PIGL: variants seen among roughly 807,000 people sequenced by gnomAD.
PIGL encodes the protein N-acetylglucosaminyl-phosphatidylinositol de-N-acetylase.
Under a neutral mutation model 31.1 loss-of-function variants are expected in PIGL, and 22 were observed. The observed-to-expected ratio is 0.71, with a 90% confidence interval of 0.51 to 1.01. PIGL has a LOEUF of 1.01. Ranked by LOEUF, PIGL falls within the 50% of genes least tolerant of loss-of-function variation. The pLI is 0.00. For synonymous variants in PIGL, 131 were observed against 117.4 expected (o/e 1.12, Z -0.75); for missense variants, 302 against 315.9 (o/e 0.96, Z 0.33).
intron 2 of PIGL, among the ~76,000 whole-genome samples, chr17:16,241,044 G>A (rs2092720728): frequency 6.9e-6 from 1 of 145,510 alleles, no homozygotes; most frequent in Admixed American, 7.1e-5. Flanking sequence ...AACCCAGGAG[G>A]CAGAGGTTGC....
intron 2 of PIGL, among the ~76,000 whole-genome samples, chr17:16,246,672 CTTT>C (rs1197171634): frequency 1.6e-4 from 10 of 64,172 alleles, no homozygotes; most frequent in Admixed American, 2.1e-4. Context: ...AGATCAAGGT[CTTT>C]TTTTTTTTTT....
intron 6 of PIGL, among the ~76,000 whole-genome samples, chr17:16,319,920 T>C (rs1283313353): frequency 1.3e-5 from 2 of 151,804 alleles, no homozygotes; most frequent in East Asian, 2.0e-4. Context: ...AGGAGAATTA[T>C]TCCTCAGTTT....
intron 3 of PIGL, among the ~76,000 whole-genome samples, chr17:16,309,842 G>T (rs1465457144): frequency 6.6e-6 from 1 of 152,028 alleles, no homozygotes; most frequent in Non-Finnish European, 1.5e-5. Context: ...ACTTTGGGAG[G>T]CCAAGGCAAG....
At chr17:16,251,409 C>G (rs1037418868) in intron 2 of PIGL, among the ~76,000 whole-genome samples, 1 of 130,726 alleles carries the variant, frequency 7.6e-6, no homozygotes, top group South Asian at 2.4e-4. Flanking sequence ...GGCAATGGAA[C>G]AAGACTCTGT....
intron 2 of PIGL, among the ~76,000 whole-genome samples, chr17:16,298,727 C>T (rs1055693669): frequency 6.6e-6 from 1 of 152,148 alleles, no homozygotes; most frequent in African/African-American, 2.4e-5. Flanking sequence ...TTAACTTCAT[C>T]GGTAAAGGCT....
chr17:16,280,473 C>CT (rs916628317), intron 2 of PIGL, among the ~76,000 whole-genome samples: 49 of 152,186 alleles, frequency 3.2e-4, no homozygotes, highest in African/African-American at 1.2e-3. Flanking sequence ...TTTTGCATAA[C>CT]TTTTTTTTAT....
chr17:16,304,619 A>G (rs1401055791), intron 3 of PIGL, among the ~76,000 whole-genome samples: 3 of 152,090 alleles, frequency 2.0e-5, no homozygotes, highest in Non-Finnish European at 1.5e-5. Flanking sequence ...AATAAAATAA[A>G]TGTTAAAAAG....
Position 16,317,743 on chromosome 17 carries a change from T to A in PIGL, c.527-32T>A, listed in dbSNP as rs770790378. On this transcript the variant is annotated intron_variant, in intron 5 of 6. Coordinates refer to ENST00000225609, the MANE Select transcript of PIGL (RefSeq NM_004278.4). ...AAAATCTGGCTGGAGGCCTCAAGGC[T>A]TATCACTTCACCCTGTCTCCTCTCC... The A allele has an allele frequency of 1.1e-5, 17 of 1,612,906 alleles. No homozygotes were observed. In the South Asian group the frequency reaches 1.4e-4, roughly 14 times the overall value.
At chr17:16,300,137 A>G (rs774269339) in intron 3 of PIGL, 159 bp downstream of exon 3, 1 of 599,252 alleles carries the variant, frequency 1.7e-6, no homozygotes, top group Non-Finnish European at 3.0e-6. Flanking sequence ...CATTAAACCT[A>G]CTGAAGAACA....
At chr17:16,320,359 AG>A (rs2093099351) in intron 6 of PIGL, among the ~76,000 whole-genome samples, 1 of 135,938 alleles carries the variant, frequency 7.4e-6, no homozygotes, top group East Asian at 2.4e-4. Flanking sequence ...GGAAGAAGGA[AG>A]GAAGAGAGAG....
chr17:16,274,754 G>T (rs553686054), intron 2 of PIGL, among the ~76,000 whole-genome samples: 5 of 150,932 alleles, frequency 3.3e-5, no homozygotes, highest in African/African-American at 4.9e-5. Flanking sequence ...GGGATAGGCC[G>T]GGCACTATGG....
intron 3 of PIGL, chr17:16,300,218 GC>G (rs1164447398): frequency 2.2e-6 from 1 of 457,692 alleles, no homozygotes; most frequent in Non-Finnish European, 3.9e-6. Context: ...TCAGATAGAG[GC>G]AGAAGTTTTT....
At chr17:16,257,707 G>A (rs1343666622) in intron 2 of PIGL, among the ~76,000 whole-genome samples, 1 of 150,218 alleles carries the variant, frequency 6.7e-6, no homozygotes, top group Non-Finnish European at 1.5e-5. Context: ...ACCTTTTGTT[G>A]TTGTTTTTAA....
chr17:16,302,179 C>T (rs142647693), intron 3 of PIGL, among the ~76,000 whole-genome samples: 68 of 152,270 alleles, frequency 4.5e-4, no homozygotes, highest in African/African-American at 1.4e-3. Flanking sequence ...CGACTCATCT[C>T]CATCTTTCTC....
At chr17:16,264,022 T>C (rs2092830708) in intron 2 of PIGL, among the ~76,000 whole-genome samples, 2 of 143,280 alleles carry the variant, frequency 1.4e-5, no homozygotes, top group South Asian at 4.6e-4. Flanking sequence ...TTTTTTTTTT[T>C]TTTTTTTTTT....
intron 1 of PIGL, among the ~76,000 whole-genome samples, chr17:16,219,624 G>A (rs772871561): frequency 6.6e-6 from 1 of 152,002 alleles, no homozygotes; most frequent in Non-Finnish European, 1.5e-5. Context: ...CTGGAGTGCA[G>A]GGGCGCAATC....
At chr17:16,276,780 C>T (rs999789475) in intron 2 of PIGL, among the ~76,000 whole-genome samples, 6 of 152,118 alleles carry the variant, frequency 3.9e-5, no homozygotes, top group East Asian at 3.8e-4. Context: ...TGATAACATG[C>T]GTACCATAGT....
At chr17:16,261,723 T>C (rs575440308) in intron 2 of PIGL, among the ~76,000 whole-genome samples, 9 of 151,662 alleles carry the variant, frequency 5.9e-5, no homozygotes, top group Non-Finnish European at 1.2e-4. Context: ...CCTCAGTGCC[T>C]CCCAAGTAGC....
chr17:16,228,111 G>A (rs910336573), intron 1 of PIGL, among the ~76,000 whole-genome samples: 4 of 149,416 alleles, frequency 2.7e-5, no homozygotes, highest in Non-Finnish European at 4.4e-5. Flanking sequence ...GAGTGCAATG[G>A]CATGATCTCG....
Sources: gnomAD v4.1 joint callset for allele counts (sites outside exome capture counted in the v4.1 genomes callset) on GRCh38, gnomAD v4.1.1 for gene constraint, MANE v1.5 for transcripts, NCBI Gene and HGNC (gene_info 2026-07-23, HGNC 2026-07-21) for gene names.